The following CNTNAP2 variants were observed in gnomAD, a reference collection of about 807,000 sequenced individuals.
The protein encoded by CNTNAP2 is contactin-associated protein-like 2.
A neutral mutation model predicts 155.2 loss-of-function variants in CNTNAP2; 98 were observed. The observed-to-expected ratio is 0.63, with a 90% confidence interval of 0.54 to 0.75. The LOEUF is 0.75. Among genes scored for constraint, CNTNAP2 ranks in the 30% least tolerant of loss-of-function variants. The pLI is 0.00. For synonymous variants in CNTNAP2, 651 were observed against 631.2 expected, an observed-to-expected ratio of 1.03 and a Z score of -0.47; for missense variants, 1,727 against 1,688.1, an observed-to-expected ratio of 1.02 and a Z score of -0.40.
At chr7:147,030,161 G>A (rs968993354) in intron 3 of CNTNAP2, among the ~76,000 whole-genome samples, 1 of 152,182 alleles carries the variant, frequency 6.6e-6, no homozygotes. Context: ...CTATAAATTT[G>A]TGTTTACTGA....
chr7:148,033,268 T>C (rs1802513723), intron 15 of CNTNAP2, among the ~76,000 whole-genome samples: 1 of 152,132 alleles, frequency 6.6e-6, no homozygotes, highest in Admixed American at 6.6e-5. Flanking sequence ...ATTTAGAAGA[T>C]GTATCTCTTT....
At chr7:146,720,023 G>GT (rs926659622) in intron 1 of CNTNAP2, among the ~76,000 whole-genome samples, 2 of 151,758 alleles carry the variant, frequency 1.3e-5, no homozygotes, top group South Asian at 2.1e-4. Context: ...GGCAAGTACT[G>GT]TTTTTTTGGT....
intron 4 of CNTNAP2, among the ~76,000 whole-genome samples, chr7:147,088,003 C>T (rs1800317676): frequency 6.6e-6 from 1 of 151,934 alleles, no homozygotes; most frequent in African/African-American, 2.4e-5. Context: ...AAAAAACAGC[C>T]ATCAAGCAGA....
At chr7:146,636,206 G>T (rs528018371) in intron 1 of CNTNAP2, among the ~76,000 whole-genome samples, 12 of 152,052 alleles carry the variant, frequency 7.9e-5, no homozygotes, top group African/African-American at 2.7e-4. Context: ...GGGGGCGGGG[G>T]GTGATGGGAT....
intron 1 of CNTNAP2, among the ~76,000 whole-genome samples, chr7:146,750,421 G>T (rs1026478407): frequency 2.0e-5 from 3 of 152,048 alleles, no homozygotes; most frequent in Non-Finnish European, 4.4e-5. Flanking sequence ...TGTGCCATTT[G>T]TTTTTCCCAC....
chr7:147,545,736 G>A (rs767700062), intron 11 of CNTNAP2, among the ~76,000 whole-genome samples: 1 of 152,094 alleles, frequency 6.6e-6, no homozygotes, highest in Non-Finnish European at 1.5e-5. Context: ...GGTTTGAAAA[G>A]CAACTTTTAA....
intron 12 of CNTNAP2, among the ~76,000 whole-genome samples, chr7:147,623,181 C>T (rs780265347): frequency 1.4e-4 from 22 of 151,972 alleles, no homozygotes; most frequent in Non-Finnish European, 1.9e-4. Context: ...AGCCTTTCCT[C>T]GAAGATCTGG....
intron 14 of CNTNAP2, among the ~76,000 whole-genome samples, chr7:147,949,434 C>CTA (rs1563145258): frequency 2.6e-5 from 3 of 113,364 alleles, no homozygotes; most frequent in African/African-American, 8.5e-5. Context: ...CAAGGATCAA[C>CTA]TGTGTGTATA....
chr7:146,444,568 G>A (rs753424558), intron 1 of CNTNAP2, among the ~76,000 whole-genome samples: 2 of 151,936 alleles, frequency 1.3e-5, no homozygotes, highest in Non-Finnish European at 2.9e-5. Flanking sequence ...GTAGCCAGAA[G>A]TATCATGAAC....
chr7:146,597,371 T>A (rs1350186447), intron 1 of CNTNAP2, among the ~76,000 whole-genome samples: 2 of 151,960 alleles, frequency 1.3e-5, no homozygotes, highest in African/African-American at 4.8e-5. Context: ...GCTTTAGAAA[T>A]AAAATAAATA....
intron 15 of CNTNAP2, among the ~76,000 whole-genome samples, chr7:148,110,768 G>A (rs1804331604): frequency 6.6e-6 from 1 of 152,164 alleles, no homozygotes; most frequent in African/African-American, 2.4e-5. Flanking sequence ...GACCCTGCCA[G>A]TGACTGTCCT....
chr7:147,053,051 G>A (rs927943630), intron 4 of CNTNAP2, among the ~76,000 whole-genome samples: 4 of 152,094 alleles, frequency 2.6e-5, no homozygotes, highest in Non-Finnish European at 5.9e-5. Context: ...GCTGTGGATT[G>A]TCATTCAGTG....
chr7:147,238,965 C>T (rs1050478972), intron 8 of CNTNAP2, among the ~76,000 whole-genome samples: 9 of 151,950 alleles, frequency 5.9e-5, no homozygotes, highest in African/African-American at 2.2e-4. Flanking sequence ...AGATTTAGAG[C>T]AACTAAACTA....
At chr7:146,923,645 T>C (rs940923457) in intron 3 of CNTNAP2, among the ~76,000 whole-genome samples, 38 of 152,288 alleles carry the variant, frequency 2.5e-4, no homozygotes, top group African/African-American at 6.7e-4. Context: ...AACAGTATTA[T>C]TGTTTGGCTG....
intron 1 of CNTNAP2, among the ~76,000 whole-genome samples, chr7:146,518,887 G>GT (rs1335410036): frequency 6.6e-6 from 1 of 151,880 alleles, no homozygotes; most frequent in Non-Finnish European, 1.5e-5. Flanking sequence ...AAGACCACAT[G>GT]TTGGTGCTTT....
intron 10 of CNTNAP2, among the ~76,000 whole-genome samples, chr7:147,415,639 C>T (rs111977337): frequency 0.029 from 4,474 of 152,198 alleles, 233 homozygotes; most frequent in African/African-American, 0.1. Context: ...TTATAAATTA[C>T]CCAGTCTCAG....
intron 11 of CNTNAP2, among the ~76,000 whole-genome samples, chr7:147,536,309 T>C (rs1161827777): frequency 6.6e-6 from 1 of 152,254 alleles, no homozygotes; most frequent in Non-Finnish European, 1.5e-5. Flanking sequence ...GTGCTGCGAA[T>C]GTGCCAGTGA....
At chr7:146,987,449 C>T (rs192316574) in intron 3 of CNTNAP2, among the ~76,000 whole-genome samples, 9 of 152,138 alleles carry the variant, frequency 5.9e-5, no homozygotes, top group African/African-American at 1.9e-4. Context: ...CTAAGTATGT[C>T]AGGATTCCTA....
At chr7:147,130,182 G>A (rs933345896) in intron 7 of CNTNAP2, among the ~76,000 whole-genome samples, 8 of 152,000 alleles carry the variant, frequency 5.3e-5, no homozygotes, top group African/African-American at 1.7e-4. Flanking sequence ...GGGAGGCCAA[G>A]GCAGGAGGAT....
Sources: gnomAD v4.1 joint callset for allele counts (sites outside exome capture counted in the v4.1 genomes callset) on GRCh38, gnomAD v4.1.1 for gene constraint, MANE v1.5 for transcripts, NCBI Gene and HGNC (gene_info 2026-07-23, HGNC 2026-07-21) for gene names.